The following TAFA1 variants were observed in gnomAD, a reference collection of about 807,000 sequenced individuals.
The protein encoded by TAFA1 is TAFA chemokine like family member 1, also known as chemokine-like protein TAFA-1.
Under a neutral mutation model 18.5 loss-of-function variants are expected in TAFA1, and 4 were observed. The observed-to-expected ratio is 0.22, with a 90% CI of 0.11 to 0.49. The LOEUF is 0.49. Among genes scored for constraint, TAFA1 ranks in the 20% least tolerant of loss-of-function variants. The pLI, the probability that TAFA1 is intolerant of heterozygous loss-of-function variation, is 0.98. For missense variants in TAFA1, 147 were observed against 169.0 expected (o/e 0.87, Z 0.72); for synonymous variants, 56 against 55.2 (o/e 1.01, Z -0.06).
intron 2 of TAFA1, among the ~76,000 whole-genome samples, chr3:68,404,802 G>GA (rs112131770): frequency 0.022 from 2,114 of 97,264 alleles, 33 homozygotes; most frequent in African/African-American, 0.058. Flanking sequence ...GCTTCAAAAA[G>GA]AAAAAAAAAA....
At chr3:67,997,769 G>A in the TAFA1 span, among the ~76,000 whole-genome samples, 2 of 151,948 alleles carry the variant, frequency 1.3e-5, no homozygotes, top group Non-Finnish European at 2.9e-5. Context: ...CTGACACTAT[G>A]TAGGATCCTA....
intron 2 of TAFA1, among the ~76,000 whole-genome samples, chr3:68,410,785 A>G (rs899334835): frequency 1.3e-5 from 2 of 151,424 alleles, no homozygotes; most frequent in South Asian, 2.1e-4. Context: ...TTGAGAAACC[A>G]TAGATCATCT....
intron 2 of TAFA1, among the ~76,000 whole-genome samples, chr3:68,095,663 G>C (rs376942472): frequency 6.6e-5 from 10 of 152,126 alleles, no homozygotes; most frequent in African/African-American, 2.2e-4. Context: ...AATGATGATG[G>C]TGGTGATGAT....
At chr3:68,381,967 C>CT (rs1001822371) in intron 2 of TAFA1, among the ~76,000 whole-genome samples, 4 of 152,096 alleles carry the variant, frequency 2.6e-5, no homozygotes, top group Non-Finnish European at 5.9e-5. Context: ...TTTATTGAGA[C>CT]TTTTTAGCAT....
intron 2 of TAFA1, among the ~76,000 whole-genome samples, chr3:68,345,593 A>G (rs535394097): frequency 3.9e-5 from 6 of 152,318 alleles, no homozygotes; most frequent in African/African-American, 1.4e-4. Context: ...AAGCTGGCCA[A>G]GGAGACCCAG....
At chr3:68,359,347 T>G (rs769117515) in intron 2 of TAFA1, among the ~76,000 whole-genome samples, 2 of 152,010 alleles carry the variant, frequency 1.3e-5, no homozygotes, top group Non-Finnish European at 2.9e-5. Context: ...TATGTTACCC[T>G]ACAAGGCAAA....
At chr3:68,335,677 AACTT>A (rs2068958722) in intron 2 of TAFA1, among the ~76,000 whole-genome samples, 1 of 152,186 alleles carries the variant, frequency 6.6e-6, no homozygotes, top group Non-Finnish European at 1.5e-5. Context: ...ATCATATCCC[AACTT>A]TGGTAGGTTG....
intron 2 of TAFA1, among the ~76,000 whole-genome samples, chr3:68,063,112 G>A (rs546934630): frequency 1.4e-3 from 212 of 152,330 alleles, no homozygotes; most frequent in South Asian, 4.3e-3. Flanking sequence ...CACCAGCATT[G>A]CCTAAGAGAA....
intron 2 of TAFA1, among the ~76,000 whole-genome samples, chr3:68,213,983 A>T (rs957991482): frequency 2.0e-5 from 3 of 152,112 alleles, no homozygotes; most frequent in African/African-American, 7.2e-5. Flanking sequence ...TTAACTACAA[A>T]GTAGGCAATA....
intron 2 of TAFA1, among the ~76,000 whole-genome samples, chr3:68,380,265 T>A (rs2069913151): frequency 6.6e-6 from 1 of 152,188 alleles, no homozygotes; most frequent in Admixed American, 6.5e-5. Flanking sequence ...TGATTTATAA[T>A]CCTTTGGGTA....
At chr3:68,099,561 G>C (rs1469402338) in intron 2 of TAFA1, among the ~76,000 whole-genome samples, 1 of 152,064 alleles carries the variant, frequency 6.6e-6, no homozygotes, top group Non-Finnish European at 1.5e-5. Flanking sequence ...AAATGAATTT[G>C]TTCAGCCACA....
intron 2 of TAFA1, among the ~76,000 whole-genome samples, chr3:68,074,524 G>A (rs1348556711): frequency 1.3e-5 from 2 of 151,896 alleles, no homozygotes; most frequent in Non-Finnish European, 2.9e-5. Flanking sequence ...TAAAAAGAAG[G>A]AAAACAAAAA....
intron 2 of TAFA1, among the ~76,000 whole-genome samples, chr3:68,265,150 T>G (rs2067518802): frequency 6.6e-6 from 1 of 152,340 alleles, no homozygotes; most frequent in Admixed American, 6.5e-5. Flanking sequence ...CTGTTAAACT[T>G]GGAAGCTCTT....
At chr3:68,444,589 C>T (rs1172080342) in intron 3 of TAFA1, among the ~76,000 whole-genome samples, 1 of 151,880 alleles carries the variant, frequency 6.6e-6, no homozygotes, top group East Asian at 1.9e-4. Flanking sequence ...TATGGGTATT[C>T]TATATGCATG....
rs548283037 is a variant in TAFA1 at position 68,220,396 on chromosome 3, C to T, written c.119-196884C>T. 4.2e-4 allele frequency among the ~76,000 whole-genome samples: 64 copies of T among 152,214 alleles called. 1 individual carries two copies. Among genetic ancestry groups the T allele is most frequent in the African/African-American group, 1.3e-3 (53 of 41,544 alleles). On this transcript the variant is annotated intron_variant, in intron 2 of 4. Transcript: ENST00000478136. ...ATTTATGCTGAGCCTGGAATAAAAG[C>T]AGGCTCACAACTTTAGCACATATTA... is the stretch of plus-strand genomic sequence containing the variant.
At chr3:68,328,979 G>C (rs1290261232) in intron 2 of TAFA1, among the ~76,000 whole-genome samples, 1 of 150,658 alleles carries the variant, frequency 6.6e-6, no homozygotes, top group Non-Finnish European at 1.5e-5. Context: ...GTACAAAATT[G>C]AAAAAAAAGT....
intron 2 of TAFA1, among the ~76,000 whole-genome samples, chr3:68,056,445 G>A (rs1278419137): frequency 3.9e-5 from 6 of 152,184 alleles, no homozygotes; most frequent in Non-Finnish European, 8.8e-5. Context: ...AACCAGATGG[G>A]TGGTCACCCA....
chr3:68,437,245 G>C (rs1203312234), intron 3 of TAFA1, among the ~76,000 whole-genome samples: 2 of 151,994 alleles, frequency 1.3e-5, no homozygotes, highest in African/African-American at 2.4e-5. Flanking sequence ...CTTAATCCAG[G>C]CTGTTGCTTA....
chr3:68,448,026 T>G (rs1200727470), intron 3 of TAFA1, among the ~76,000 whole-genome samples: 2 of 152,186 alleles, frequency 1.3e-5, no homozygotes, highest in Non-Finnish European at 2.9e-5. Context: ...GTGGCAGAGC[T>G]GAGAAGTGAG....
Sources: gnomAD v4.1 joint callset for allele counts (sites outside exome capture counted in the v4.1 genomes callset) on GRCh38, gnomAD v4.1.1 for gene constraint, MANE v1.5 for transcripts, NCBI Gene and HGNC (gene_info 2026-07-23, HGNC 2026-07-21) for gene names.